PCDHGA10: variants seen among roughly 807,000 people sequenced by gnomAD.
PCDHGA10 encodes protocadherin gamma-A10.
A neutral mutation model predicts 59.5 loss-of-function variants in PCDHGA10; 42 were observed. The ratio of observed to expected loss-of-function variants is 0.71; its 90% CI spans 0.55 to 0.91. PCDHGA10 has a LOEUF of 0.91. PCDHGA10 is among the 40% of genes least tolerant of loss of function. The pLI, the probability that PCDHGA10 is intolerant of heterozygous loss-of-function variation, is 0.00. For missense variants in PCDHGA10, 1,111 were observed against 1,198.2 expected, an observed-to-expected ratio of 0.93 and a Z score of 1.07; for synonymous variants, 511 against 517.2, an observed-to-expected ratio of 0.99 and a Z score of 0.16.
intron 1 of PCDHGA10, among the ~76,000 whole-genome samples, chr5:141,444,463 G>T (rs570185430): frequency 6.6e-6 from 1 of 152,144 alleles, no homozygotes; most frequent in Admixed American, 6.5e-5. Flanking sequence ...GAGTCACTGC[G>T]CCCGGTCGCG....
intron 2 of PCDHGA10, among the ~76,000 whole-genome samples, chr5:141,501,290 T>TACACACACACACAC (rs55762287): frequency 7.3e-6 from 1 of 136,164 alleles, no homozygotes; most frequent in Non-Finnish European, 1.6e-5. Context: ...TATTCCCTTA[T>TACACACACACACAC]ACACACACAC....
At chr5:141,509,411 AGCC>A (rs2099876675) in intron 3 of PCDHGA10, among the ~76,000 whole-genome samples, 2 of 152,098 alleles carry the variant, frequency 1.3e-5, no homozygotes, top group Admixed American at 1.3e-4. Flanking sequence ...TCCAGCAGCG[AGCC>A]CCAATGAGTC....
Position 141,431,135 on chromosome 5 carries a change from A to G in PCDHGA10, c.2436+15524A>G, listed in dbSNP as rs140069213. The G allele has an allele frequency of 1.5e-5, 24 of 1,614,266 alleles. No homozygotes were observed. In the African/African-American group the frequency reaches 3.1e-4, roughly 21 times the overall value. Reference sequence around the variant, plus strand: ...TGGAGTAGAAGTAGAAGTAAGGGACATTAACGACAATGCGCCTTACTTTCG... The same window carrying G: ...TGGAGTAGAAGTAGAAGTAAGGGACGTTAACGACAATGCGCCTTACTTTCG... On this transcript the variant is annotated intron_variant, in intron 1 of 3. Transcript: ENST00000398610. This position sits in a 1 kb window ranked among gnomAD's most constrained non-coding sequence, Gnocchi z 4.8.
At chr5:141,434,265 GA>G (rs2097683598) in intron 1 of PCDHGA10, among the ~76,000 whole-genome samples, 1 of 152,186 alleles carries the variant, frequency 6.6e-6, no homozygotes, top group South Asian at 2.1e-4. Context: ...GGGGGAGGTG[GA>G]AATTAGAGGT....
At chr5:141,459,814 T>C (rs757306281) in intron 1 of PCDHGA10, among the ~76,000 whole-genome samples, 1 of 152,256 alleles carries the variant, frequency 6.6e-6, no homozygotes, top group African/African-American at 2.4e-5. Flanking sequence ...CTAGAGACAC[T>C]GAGCAACTTT....
At position 141,413,056 on chromosome 5, in the gene PCDHGA10, T is replaced by A; in HGVS notation, c.-120T>A. The A allele has an allele frequency of 9.7e-7, 1 of 1,030,200 alleles. No homozygotes were observed. Among genetic ancestry groups the A allele is most frequent in the East Asian group, 2.6e-5 (1 of 38,326 alleles). 63.8% of individuals were successfully genotyped at this position (1,030,200 alleles called of 1,614,324 possible). On this transcript the variant is annotated 5_prime_UTR_variant, in exon 1 of 4. Coordinates refer to ENST00000398610, the MANE Select transcript of PCDHGA10 (RefSeq NM_018913.3). ...GCTGCTGGGCTGCAGGGAAGCTCAC[T>A]CCAGAATTTAAAGTGCCCAGGCTAC... is the stretch of plus-strand genomic sequence containing the variant.
In PCDHGA10 at chr5:141,477,053, G is replaced by A; in HGVS notation, c.2437-17754G>A. On this transcript the variant is annotated intron_variant, in intron 1 of 3. Transcript: ENST00000398610. This position sits in a 1 kb window ranked among gnomAD's most constrained non-coding sequence, Gnocchi z 4.9. ...GACAATCAAGGGTCGGCTGGACTTC[G>A]AGGACACCAAACTCCATGAGATTTA... The A allele has an allele frequency of 1.9e-6, 3 of 1,614,230 alleles. No homozygotes were observed. The highest frequency in any genetic ancestry group is 2.5e-6 in the Non-Finnish European group (3 of 1,180,032).
Position 141,477,286 on chromosome 5 carries a change from A to G in PCDHGA10, c.2437-17521A>G, listed in dbSNP as rs1367207950. 1.9e-6 allele frequency: 3 copies of G among 1,614,194 alleles called. No individual in the cohort carries two copies. Among genetic ancestry groups the G allele is most frequent in the Non-Finnish European group, 8.5e-7 (1 of 1,180,034 alleles). ...GCGAGAACGGGCTGGTGACCTGCGA[A>G]GTTCCACCGGGTCTCCCTTTCAGCC... On this transcript the variant is annotated intron_variant, in intron 1 of 3. Coordinates refer to ENST00000398610, the MANE Select transcript of PCDHGA10 (RefSeq NM_018913.3). The surrounding 1 kb of genome is among the most constrained non-coding windows in gnomAD (Gnocchi z 4.9).
intron 2 of PCDHGA10, among the ~76,000 whole-genome samples, chr5:141,504,351 G>C (rs77439649): frequency 0.021 from 3,233 of 152,120 alleles, 109 homozygotes; most frequent in African/African-American, 0.075. Context: ...CTTTGTGCTA[G>C]GTGCTTCAGT....
rs764579211 is a variant in PCDHGA10 at position 141,489,393 on chromosome 5, T to C, written c.2437-5414T>C. 1.9e-5 allele frequency: 30 copies of C among 1,614,098 alleles called. No individual in the cohort carries two copies. In the South Asian group the frequency reaches 3.3e-4, roughly 18 times the overall value. On this transcript the variant is annotated intron_variant, in intron 1 of 3. Coordinates refer to ENST00000398610, the MANE Select transcript of PCDHGA10 (RefSeq NM_018913.3). The surrounding 1 kb of genome is among the most constrained non-coding windows in gnomAD (Gnocchi z 4.5). ...CGCTGGTGGGGAATGTTGCTCAGGA[T>C]CTGGGCTTAAAGATGACAGATCTGT...
At chr5:141,415,793 T>C in intron 1 of PCDHGA10, 182 bp downstream of exon 1, 1 of 1,373,160 alleles carries the variant, frequency 7.3e-7, no homozygotes, top group Non-Finnish European at 9.4e-7. Context: ...AAAATTCACC[T>C]AGTCTCAATC....
intron 1 of PCDHGA10, chr5:141,478,171 G>A (rs141465380): frequency 7.3e-5 from 118 of 1,613,942 alleles, no homozygotes; most frequent in African/African-American, 1.5e-4. Flanking sequence ...CCCCCCGGGA[G>A]CAGAAAAAAA....
intron 1 of PCDHGA10, among the ~76,000 whole-genome samples, chr5:141,434,479 A>C (rs2097696849): frequency 6.6e-6 from 1 of 152,202 alleles, no homozygotes; most frequent in African/African-American, 2.4e-5. Flanking sequence ...AGGGCAAGGA[A>C]CACCTGGCCC....
chr5:141,427,998 C>T, intron 1 of PCDHGA10: 1 of 1,600,956 alleles, frequency 6.2e-7, no homozygotes, highest in Non-Finnish European at 8.6e-7. Flanking sequence ...TGGCTCCGCA[C>T]TCTTCGATAT....
Position 141,485,086 on chromosome 5 carries a change from A to T in PCDHGA10, c.2437-9721A>T. 1.0e-6 allele frequency: 1 copy of T among 999,576 alleles called. No individual in the cohort carries two copies. Among genetic ancestry groups the T allele is most frequent in the Non-Finnish European group, 1.5e-6 (1 of 651,740 alleles). 61.9% of individuals were successfully genotyped at this position (999,576 alleles called of 1,614,324 possible). A position where few individuals can be genotyped will look rare whatever the true frequency, so the allele number is the denominator to read the frequency against. On this transcript the variant is annotated intron_variant, in intron 1 of 3. Transcript: ENST00000398610. The surrounding 1 kb of genome is among the most constrained non-coding windows in gnomAD (Gnocchi z 5.7). The stretch of plus-strand genomic sequence containing the variant: ...CCAGAGCTGGCGCGGGGAAAGGGAG[A>T]TAGGTGTCTCCAGCTGCTGTGGCTG...
chr5:141,438,631 TATATAC>T (rs1271580663), intron 1 of PCDHGA10, among the ~76,000 whole-genome samples: 5,390 of 42,476 alleles, frequency 0.13, 146 homozygotes, highest in Non-Finnish European at 0.16. Context: ...TATATATATA[TATATAC>T]ACACACACAC....
intron 1 of PCDHGA10, chr5:141,422,569 G>A (rs1219842498): frequency 6.2e-7 from 1 of 1,613,984 alleles, no homozygotes; most frequent in Admixed American, 1.7e-5. Context: ...AGATGACAAC[G>A]ATAACCCTCC....
rs141873183 is a variant in PCDHGA10 at position 141,511,011 on chromosome 5, C to T, written c.2649C>T (p.Tyr883=). The T allele has an allele frequency of 1.5e-5, 24 of 1,614,082 alleles. No individual in the cohort carries two copies. Among genetic ancestry groups the T allele is most frequent in the Middle Eastern group, 1.6e-4 (1 of 6,084 alleles). Residue 883 remains tyrosine (Y), a synonymous_variant, in exon 4 of 4, where the codon TAC becomes TAT. Transcript: ENST00000398610. ...GAGTMGLSAR[Y]GPQFTLQHVP... The stretch of plus-strand genomic sequence containing the variant: ...GCACCATGGGATTGAGCGCCCGCTA[C>T]GGACCCCAGTTCACCCTGCAGCACG...
In PCDHGA10 at chr5:141,491,105, C is replaced by T; in HGVS notation, c.2437-3702C>T. ...ACAGCCCCAGGACTGTTCCTCGTGTCTACACACACTGGTGAGGTGCGCACA... is the reference window on the plus strand; with the variant it reads ...ACAGCCCCAGGACTGTTCCTCGTGTTTACACACACTGGTGAGGTGCGCACA... On this transcript the variant is annotated intron_variant, in intron 1 of 3. Transcript: ENST00000398610. This position sits in a 1 kb window ranked among gnomAD's most constrained non-coding sequence, Gnocchi z 6.9. 1 of 1,614,222 alleles carries T rather than the reference C, an allele frequency of 6.2e-7. No individual in the cohort carries two copies. Among genetic ancestry groups the T allele is most frequent in the Non-Finnish European group, 8.5e-7 (1 of 1,180,032 alleles).
Sources: allele counts gnomAD v4.1 joint callset (sites outside exome capture counted in the v4.1 genomes callset), GRCh38; gene constraint gnomAD v4.1.1; non-coding constraint Gnocchi (gnomAD v3.1); transcripts MANE v1.5; gene names NCBI Gene and HGNC (gene_info 2026-07-23, HGNC 2026-07-21).